The following LOXHD1 variants were observed in gnomAD, a reference collection of about 807,000 sequenced individuals.
The protein encoded by LOXHD1 is lipoxygenase homology domain-containing protein 1.
A neutral mutation model predicts 248.2 loss-of-function variants in LOXHD1; 205 were observed. That is an observed-to-expected ratio of 0.83 (90% CI 0.74 to 0.93). The LOEUF is 0.93. Ranked by LOEUF, LOXHD1 falls within the 40% of genes least tolerant of loss-of-function variation. The pLI, the probability that LOXHD1 is intolerant of heterozygous loss-of-function variation, is 0.00. For synonymous variants in LOXHD1, 1,113 were observed against 1,162.8 expected (o/e 0.96, Z 0.87); for missense variants, 2,930 against 2,971.6 (o/e 0.99, Z 0.33).
intron 19 of LOXHD1, among the ~76,000 whole-genome samples, chr18:46,559,882 G>A (rs1419264818): frequency 6.6e-6 from 1 of 152,194 alleles, no homozygotes; most frequent in African/African-American, 2.4e-5. Flanking sequence ...CTCAGAACAA[G>A]CGCCATGCTT....
intron 28 of LOXHD1, among the ~76,000 whole-genome samples, chr18:46,529,679 A>T (rs1380645623): frequency 6.6e-6 from 1 of 152,216 alleles, no homozygotes; most frequent in African/African-American, 2.4e-5. Flanking sequence ...CACTGTGGTC[A>T]CTAAATCTAC....
intron 33 of LOXHD1, chr18:46,520,606 G>T (rs927723200): frequency 1.7e-5 from 5 of 291,232 alleles, no homozygotes; most frequent in Non-Finnish European, 2.6e-5. Flanking sequence ...TTCAGTTAAG[G>T]AGGGTATTGT....
downstream of LOXHD1, chr18:46,477,061 T>C: frequency 1.5e-6 from 1 of 685,888 alleles, no homozygotes; most frequent in Non-Finnish European, 2.7e-6. Context: ...AGGATATGGT[T>C]GGTAATAATT....
chr18:46,483,158 G>A (rs145370029), intron 40 of LOXHD1, among the ~76,000 whole-genome samples: 2 of 152,294 alleles, frequency 1.3e-5, no homozygotes, highest in Non-Finnish European at 2.9e-5. Context: ...ACCCTAGCTT[G>A]TCTCTGGTCC....
chr18:46,542,067 T>G, intron 24 of LOXHD1, 127 bp from the exon 25 acceptor site: 1 of 863,190 alleles, frequency 1.2e-6, no homozygotes, highest in Non-Finnish European at 1.7e-6. Context: ...GACATCCCTT[T>G]TGCTTGCAGC....
intron 12 of LOXHD1, among the ~76,000 whole-genome samples, chr18:46,589,086 C>G (rs2038116815): frequency 6.6e-6 from 1 of 152,122 alleles, no homozygotes; most frequent in Admixed American, 6.5e-5. Flanking sequence ...GGGTCGTGAT[C>G]AACTCAGTAT....
At position 46,522,321 on chromosome 18, in the gene LOXHD1, C is replaced by T. The variant is rs2035619798; in HGVS notation, c.4877-12G>A. 1.3e-6 allele frequency: 2 copies of T among 1,550,414 alleles called. No homozygotes were observed. The highest frequency in any genetic ancestry group is 1.7e-6 in the Non-Finnish European group (2 of 1,145,898). ...ATAGTAGGGAATAACTGCAAGAGAT[C>T]ACGGGGCTCAGGTTCATAACAGACC... is the stretch of plus-strand genomic sequence containing the variant. On this transcript the variant is annotated splice_polypyrimidine_tract_variant and intron_variant, in intron 31 of 40. Transcript: ENST00000642948.
chr18:46,634,655 G>GA (rs1201450341), intron 4 of LOXHD1, among the ~76,000 whole-genome samples: 78 of 150,046 alleles, frequency 5.2e-4, no homozygotes, highest in African/African-American at 1.3e-3. Flanking sequence ...AAAATCTGGA[G>GA]AAAAAAAAAA....
Position 46,541,953 on chromosome 18 carries a change from G to A in LOXHD1, c.3749-13C>T. On this transcript the variant is annotated splice_polypyrimidine_tract_variant and intron_variant, in intron 24 of 40. Coordinates refer to ENST00000642948, the MANE Select transcript of LOXHD1 (RefSeq NM_001384474.1). ...CCTGGGGCCTTGCCTAGAGAGAGAG[G>A]AGACACAAAACCCATCAAGGACCTG... The A allele has an allele frequency of 1.3e-6, 2 of 1,547,808 alleles. No homozygotes were observed. The highest frequency in any genetic ancestry group is 1.2e-5 in the South Asian group (1 of 83,676).
At chr18:46,585,262 T>C (rs144354418) in intron 12 of LOXHD1, among the ~76,000 whole-genome samples, 61 of 152,278 alleles carry the variant, frequency 4.0e-4, no homozygotes, top group African/African-American at 1.4e-3. Context: ...AGAAGTATCT[T>C]ATTCATGGGT....
In LOXHD1 at chr18:46,645,384, G is replaced by A. The variant is rs569584020; in HGVS notation, c.246-3348C>T. On this transcript the variant is annotated intron_variant, in intron 2 of 40. Transcript: ENST00000642948. ...CACGGAGATCCTTTACAGGCTGCAC[G>A]GGGCATTTTAGCCATCAGCCAGCAG... Among the ~76,000 whole-genome samples the A allele has an allele frequency of 5.3e-5, 8 of 152,322 alleles. No individual in the cohort carries two copies. In the South Asian group the frequency reaches 8.3e-4, roughly 16 times the overall value.
chr18:46,618,426 G>A, intron 4 of LOXHD1, 136 bp from the exon 5 acceptor site: 4 of 637,518 alleles, frequency 6.3e-6, no homozygotes, highest in Admixed American at 2.7e-5. Flanking sequence ...CAATAACAGA[G>A]CAAAAAACAA....
Position 46,529,303 on chromosome 18 carries a change from T to C in LOXHD1, c.4404A>G (p.Thr1468=). 6.4e-7 allele frequency: 1 copy of C among 1,551,226 alleles called. No homozygotes were observed. The highest frequency in any genetic ancestry group is 8.7e-7 in the Non-Finnish European group (1 of 1,146,624). Residue 1468 remains threonine, a synonymous_variant, in exon 29 of 41, where the codon ACA becomes ACG. Coordinates refer to ENST00000642948, the MANE Select transcript of LOXHD1 (RefSeq NM_001384474.1). ...DIVLYSVQIF[T]GNIPGAGTDA... is the part of the protein sequence containing the mutation. The stretch of plus-strand genomic sequence containing the variant: ...CCGTCCCTGCCCCAGGAATGTTCCC[T>C]GTGAAGATCTGCACCGAGTACAGCA...
chr18:46,553,983 G>A (rs11661050), intron 21 of LOXHD1, among the ~76,000 whole-genome samples: 14,303 of 152,242 alleles, frequency 0.094, 843 homozygotes, highest in Non-Finnish European at 0.14. Flanking sequence ...AGAGAGATGA[G>A]GGGCATAGAG....
At chr18:46,556,451 A>G (rs1191138107) in intron 21 of LOXHD1, among the ~76,000 whole-genome samples, 2 of 152,138 alleles carry the variant, frequency 1.3e-5, no homozygotes, top group Non-Finnish European at 2.9e-5. Flanking sequence ...TTGGACTGTC[A>G]TCTCACAGGG....
In LOXHD1 at chr18:46,529,291, A is replaced by G; in HGVS notation, c.4416T>C (p.Pro1472=). 6.4e-7 allele frequency: 1 copy of G among 1,551,632 alleles called. No individual in the cohort carries two copies. The highest frequency in any genetic ancestry group is 8.7e-7 in the Non-Finnish European group (1 of 1,146,902). Residue 1472 remains proline, a synonymous_variant, in exon 29 of 41, where the codon CCT becomes CCC. Coordinates refer to ENST00000642948, the MANE Select transcript of LOXHD1 (RefSeq NM_001384474.1). The part of the protein sequence containing the change: ...YSVQIFTGNI[P]GAGTDAKVYI... ...ACACCTTGGCATCCGTCCCTGCCCC[A>G]GGAATGTTCCCTGTGAAGATCTGCA...
At chr18:46,626,968 G>T (rs1389073754) in intron 4 of LOXHD1, among the ~76,000 whole-genome samples, 2 of 152,194 alleles carry the variant, frequency 1.3e-5, no homozygotes, top group African/African-American at 4.8e-5. Context: ...TTGAGTAAGT[G>T]CTGCATAAAA....
At chr18:46,537,669 C>T (rs1333943711) in intron 26 of LOXHD1, among the ~76,000 whole-genome samples, 1 of 152,218 alleles carries the variant, frequency 6.6e-6, no homozygotes, top group Non-Finnish European at 1.5e-5. Context: ...TTGTCAAGAC[C>T]TGATGGGAAG....
chr18:46,594,234 G>A, intron 9 of LOXHD1, 97 bp downstream of exon 9: 2 of 1,454,878 alleles, frequency 1.4e-6, no homozygotes, highest in Non-Finnish European at 1.9e-6. Context: ...AGAAGCAGGA[G>A]TGGACTGCCC....
Sources: gnomAD v4.1 joint callset for allele counts (sites outside exome capture counted in the v4.1 genomes callset) on GRCh38, gnomAD v4.1.1 for gene constraint, MANE v1.5 for transcripts, NCBI Gene and HGNC (gene_info 2026-07-23, HGNC 2026-07-21) for gene names.